SLCO3A1: variants seen among roughly 807,000 people sequenced by gnomAD.
SLCO3A1 encodes PGE1 transporter.
SLCO3A1 carries 27 observed loss-of-function variants against 63.1 expected under a neutral mutation model. The ratio of observed to expected loss-of-function variants is 0.43; its 90% CI spans 0.32 to 0.59. The LOEUF is 0.59. Among genes scored for constraint, SLCO3A1 ranks in the 20% least tolerant of loss-of-function variants. The pLI is 0.09. For missense variants in SLCO3A1, 773 were observed against 945.8 expected, an observed-to-expected ratio of 0.82 and a Z score of 2.40; for synonymous variants, 473 against 409.9, an observed-to-expected ratio of 1.15 and a Z score of -1.86.
chr15:91,907,636 C>T (rs1358912040), intron 1 of SLCO3A1, among the ~76,000 whole-genome samples: 1 of 152,196 alleles, frequency 6.6e-6, no homozygotes, highest in Admixed American at 6.5e-5. Context: ...TCTCCTGCCT[C>T]AGCCTCCTGA....
intron 2 of SLCO3A1, among the ~76,000 whole-genome samples, chr15:92,020,414 C>T (rs1017020331): frequency 2.0e-5 from 3 of 152,226 alleles, no homozygotes; most frequent in Admixed American, 2.0e-4. Flanking sequence ...TTGGCAGAAA[C>T]ACTAAATTCC....
At chr15:92,028,191 C>T (rs1259102509) in intron 2 of SLCO3A1, among the ~76,000 whole-genome samples, 1 of 152,102 alleles carries the variant, frequency 6.6e-6, no homozygotes, top group Non-Finnish European at 1.5e-5. Context: ...GGTCGTATGT[C>T]AGGTGATGAT....
intron 2 of SLCO3A1, among the ~76,000 whole-genome samples, chr15:92,083,379 T>C (rs1448924588): frequency 1.3e-5 from 2 of 152,164 alleles, no homozygotes; most frequent in East Asian, 3.9e-4. Context: ...ATGTGAGATC[T>C]CACTGTCCTC....
At chr15:91,914,128 A>C (rs1398721233) in intron 1 of SLCO3A1, among the ~76,000 whole-genome samples, 1 of 152,066 alleles carries the variant, frequency 6.6e-6, no homozygotes, top group Admixed American at 6.6e-5. Flanking sequence ...ATGAGGTAGC[A>C]CTCTTATCCC....
chr15:91,961,774 A>G (rs1483152855), intron 2 of SLCO3A1, among the ~76,000 whole-genome samples: 1 of 152,168 alleles, frequency 6.6e-6, no homozygotes, highest in Admixed American at 6.5e-5. Context: ...CATAAAATAC[A>G]TTTATTTACT....
At chr15:92,154,081 T>C (rs2048341467) in intron 9 of SLCO3A1, among the ~76,000 whole-genome samples, 1 of 152,164 alleles carries the variant, frequency 6.6e-6, no homozygotes, top group African/African-American at 2.4e-5. Context: ...ATGTGGAGAA[T>C]AAGAACATGG....
At chr15:92,001,599 C>T (rs1385138069) in intron 2 of SLCO3A1, among the ~76,000 whole-genome samples, 2 of 152,124 alleles carry the variant, frequency 1.3e-5, no homozygotes, top group East Asian at 1.9e-4. Flanking sequence ...CTCACATGCC[C>T]CCCCACCCAG....
chr15:92,075,189 A>G (rs2047262806), intron 2 of SLCO3A1, among the ~76,000 whole-genome samples: 1 of 152,120 alleles, frequency 6.6e-6, no homozygotes, highest in Non-Finnish European at 1.5e-5. Context: ...TGGCTTCTGG[A>G]GGGAAACTTG....
chr15:91,999,698 A>C (rs546559441), intron 2 of SLCO3A1, among the ~76,000 whole-genome samples: 2 of 152,222 alleles, frequency 1.3e-5, no homozygotes, highest in Non-Finnish European at 2.9e-5. Context: ...AGGCCGAGGC[A>C]GGAGGATTGC....
chr15:92,148,862 A>AAGAATGTGAAAGTGTTT (rs1253092053), intron 8 of SLCO3A1: 8 of 152,306 alleles, frequency 5.3e-5, no homozygotes, highest in Non-Finnish European at 1.2e-4. Flanking sequence ...GAAAATTCTT[A>AAGAATGTGAAAGTGTTT]AGAATGTGAA....
intron 2 of SLCO3A1, among the ~76,000 whole-genome samples, chr15:91,984,472 A>G (rs1022777412): frequency 1.3e-5 from 2 of 152,212 alleles, no homozygotes; most frequent in African/African-American, 2.4e-5. Flanking sequence ...ATGCACATAC[A>G]TTCAGATAAG....
chr15:92,043,743 T>G (rs1318824918), intron 2 of SLCO3A1, among the ~76,000 whole-genome samples: 2 of 152,356 alleles, frequency 1.3e-5, no homozygotes, highest in African/African-American at 4.8e-5. Context: ...TTTCATAGAT[T>G]GCATGTCAAC....
intron 1 of SLCO3A1, among the ~76,000 whole-genome samples, chr15:91,879,721 T>G (rs984133317): frequency 4.6e-5 from 7 of 152,212 alleles, no homozygotes; most frequent in Non-Finnish European, 1.0e-4. Context: ...TAGATGTAAT[T>G]TATATCAGCT....
rs745590939 is a variant in SLCO3A1, at chr15:92,126,048, A to G, written c.1175-13A>G. The G allele has an allele frequency of 1.1e-5, 17 of 1,612,148 alleles. No individual in the cohort carries two copies. Among genetic ancestry groups the G allele is most frequent in the South Asian group, 9.9e-5 (9 of 90,996 alleles). ...TCCCTGTTCACAGCCCTGCCCCTCT[A>G]TTTTCCTTCCAGGGATGACTGCGAT... On this transcript the variant is annotated splice_polypyrimidine_tract_variant and intron_variant, in intron 5 of 9. Coordinates refer to ENST00000318445, the MANE Select transcript of SLCO3A1 (RefSeq NM_013272.4).
chr15:92,082,398 G>T (rs965615966), intron 2 of SLCO3A1, among the ~76,000 whole-genome samples: 1 of 152,194 alleles, frequency 6.6e-6, no homozygotes, highest in African/African-American at 2.4e-5. Context: ...GGAAGTGGAG[G>T]CCAAGGATGT....
chr15:92,149,608 T>G (rs979319558), intron 8 of SLCO3A1: 3 of 152,222 alleles, frequency 2.0e-5, no homozygotes, highest in Admixed American at 2.0e-4. Context: ...CCTTTAGAAC[T>G]AAGACTCCCT....
At position 92,016,254 on chromosome 15, in the gene SLCO3A1, T is replaced by TAGATAGATTGATTAGATAGATAGA; in HGVS notation, c.647-78627_647-78626insAGATAGATTGATTAGATAGATAGA. Among the ~76,000 whole-genome samples, 913 of 95,688 alleles carry TAGATAGATTGATTAGATAGATAGA rather than the reference T, an allele frequency of 9.5e-3. 3 individuals carry two copies. The highest frequency in any genetic ancestry group is 0.014 in the Non-Finnish European group (662 of 46,488). The allele number at this position is 95,688 out of a possible 152,430, so 62.8% of individuals were successfully genotyped here. The stretch of plus-strand genomic sequence containing the variant: ...ATAGATAGATAGATAGATAGATAGA[T>TAGATAGATTGATTAGATAGATAGA]TAGATAGATAGATAGATAGATAGAT... On this transcript the variant is annotated intron_variant, in intron 2 of 9. Transcript: ENST00000318445.
chr15:92,096,290 A>G (rs182339212), intron 3 of SLCO3A1, among the ~76,000 whole-genome samples: 70 of 152,272 alleles, frequency 4.6e-4, no homozygotes, highest in Non-Finnish European at 8.7e-4. Context: ...CAGGAGTCAC[A>G]GTCTTTTTAT....
Position 91,886,102 on chromosome 15 carries a change from G to T in SLCO3A1, c.181-29891G>T, listed in dbSNP as rs1236512347. Among the ~76,000 whole-genome samples the T allele has an allele frequency of 6.6e-6, 1 of 152,166 alleles. No individual in the cohort carries two copies. The highest frequency in any genetic ancestry group is 1.5e-5 in the Non-Finnish European group (1 of 68,032). On this transcript the variant is annotated intron_variant, in intron 1 of 9. Transcript: ENST00000318445. This position sits in a 1 kb window ranked among gnomAD's most constrained non-coding sequence, Gnocchi z 4.9. ...ATATTGGGGCTGGCAAATCTGACTAGTCCATTTCCCTAGTACTCCTGCTTA... is the reference window on the plus strand; with the variant it reads ...ATATTGGGGCTGGCAAATCTGACTATTCCATTTCCCTAGTACTCCTGCTTA...
Sources: gnomAD v4.1 joint callset for allele counts (sites outside exome capture counted in the v4.1 genomes callset) on GRCh38, gnomAD v4.1.1 for gene constraint, Gnocchi (gnomAD v3.1) non-coding constraint, MANE v1.5 for transcripts, NCBI Gene and HGNC (gene_info 2026-07-23, HGNC 2026-07-21) for gene names.